The following PEX10 variants were observed in gnomAD, a reference collection of about 807,000 sequenced individuals.
PEX10 encodes the protein peroxisome biogenesis factor 10.
Under a neutral mutation model 38.0 loss-of-function variants are expected in PEX10, and 32 were observed. That is an observed-to-expected ratio of 0.84 (90% CI 0.63 to 1.13). The LOEUF is 1.13. PEX10 is among the 50% of genes most tolerant of loss of function. The probability of loss-of-function intolerance (pLI) is 0.00; values close to 1 mark genes in which losing one functional copy is unlikely to be tolerated. For missense variants in PEX10, 483 were observed against 457.7 expected, an observed-to-expected ratio of 1.06 and a Z score of -0.51; for synonymous variants, 206 against 207.3, an observed-to-expected ratio of 0.99 and a Z score of 0.05.
At chr1:2,407,493 G>T (rs1643049520) in intron 3 of PEX10, among the ~76,000 whole-genome samples, 1 of 152,226 alleles carries the variant, frequency 6.6e-6, no homozygotes, top group Non-Finnish European at 1.5e-5. Context: ...GCCAGCATGG[G>T]CCCTGGGTGT....
At position 2,407,096 on chromosome 1, in the gene PEX10, C is replaced by T. The variant is rs140861161; in HGVS notation, c.601-201G>A. 1.5e-4 allele frequency: 107 copies of T among 722,288 alleles called. No homozygotes were observed. In the African/African-American group the frequency reaches 1.6e-3, roughly 11 times the overall value. The allele number at this position is 722,288 out of a possible 1,614,324, so 44.7% of individuals were successfully genotyped here. ...GTGCCTGCTTCGTAGCCTAGCATGA[C>T]GGAGAGGCCTGAGCTCCAGACCAGC... is the stretch of plus-strand genomic sequence containing the variant. On this transcript the variant is annotated intron_variant, in intron 3 of 5. Transcript: ENST00000447513.
chr1:2,412,345 C>A (rs1643266637), intron 1 of PEX10, 46 bp downstream of exon 1: 1 of 1,342,824 alleles, frequency 7.4e-7, no homozygotes, highest in Non-Finnish European at 9.5e-7. Flanking sequence ...AGGGGCAACA[C>A]CCCCTGGGCC....
In PEX10 at chr1:2,406,555, T is replaced by C. The variant is rs2100421628; in HGVS notation, c.841A>G (p.Arg281Gly). 1 of 1,613,320 alleles carries C rather than the reference T, an allele frequency of 6.2e-7. No homozygotes were observed. The highest frequency in any genetic ancestry group is 8.5e-7 in the Non-Finnish European group (1 of 1,179,976). The change falls in exon 5 of 6, where the codon AGG becomes GGG. Residue 281 changes from arginine to glycine, a missense_variant. Transcript: ENST00000447513. ...CCGCAGGGCGTGGCTGTTGGGTGCC[T>C]GCGCTCCTCCAGGCACAGGGTGCAC... ...PLCTLCLEER[R>G]HPTATPCGHL...
rs200610722 is a variant in PEX10 at position 2,405,246 on chromosome 1, C to T, written c.*520G>A. The stretch of plus-strand genomic sequence containing the variant: ...TCCTGGGGGATGTGCTCTGCCCAGC[C>T]GCCCTCGGGGAGAGCAGCGCCGCCT... On this transcript the variant is annotated 3_prime_UTR_variant, in exon 6 of 6. Coordinates refer to ENST00000447513, the MANE Select transcript of PEX10 (RefSeq NM_002617.4). The T allele has an allele frequency of 3.5e-5, 9 of 260,602 alleles. No homozygotes were observed. Among genetic ancestry groups the T allele is most frequent in the Admixed American group, 2.0e-4 (4 of 19,658 alleles). 16.1% of individuals were successfully genotyped at this position (260,602 alleles called of 1,614,324 possible). A position where few individuals can be genotyped will look rare whatever the true frequency, so the allele number is the denominator to read the frequency against.
rs746497851 is a variant in PEX10 at position 2,408,597 on chromosome 1, A to T, written c.455T>A (p.Leu152Gln). The change falls in exon 3 of 6, where the codon CTG (leucine) becomes CAG (glutamine). Residue 152 changes from leucine to glutamine, a missense_variant. By Grantham distance (113) the Leu-to-Gln change is moderately radical. Transcript: ENST00000447513. ...CAGCGCCCTCCTCTGCTGCTCAGTC[A>T]GGGTGGCCGTGTGGTGACGCATCCA... ...RRWMRHHTATLTEQQRRALLR... is the reference protein window; with the variant it reads ...RRWMRHHTATQTEQQRRALLR... 1.2e-6 allele frequency: 2 copies of T among 1,611,746 alleles called. No individual in the cohort carries two copies. Among genetic ancestry groups the T allele is most frequent in the African/African-American group, 1.3e-5 (1 of 75,054 alleles).
chr1:2,412,269 G>C, intron 1 of PEX10, 122 bp downstream of exon 1: 1 of 1,238,866 alleles, frequency 8.1e-7, no homozygotes. Context: ...GGAGACTGCC[G>C]GGTCCCAGGT....
chr1:2,412,632 C>T (rs1293273713), upstream of PEX10: 2 of 716,386 alleles, frequency 2.8e-6, no homozygotes, highest in Admixed American at 4.5e-5. Flanking sequence ...TGGGGCGGGG[C>T]CGGACTGGGG....
intron 3 of PEX10, among the ~76,000 whole-genome samples, chr1:2,407,437 C>T (rs1352133365): frequency 6.6e-6 from 1 of 152,244 alleles, no homozygotes; most frequent in Non-Finnish European, 1.5e-5. Context: ...GCCAGACAGC[C>T]TCGGCCCAGG....
At position 2,411,838 on chromosome 1, in the gene PEX10, G is replaced by A. The variant is rs967763364; in HGVS notation, c.112+553C>T. Among the ~76,000 whole-genome samples the A allele has an allele frequency of 5.9e-5, 9 of 152,342 alleles. No homozygotes were observed. The East Asian group carries it at 1.3e-3, about 23-fold the overall frequency. On this transcript the variant is annotated intron_variant, in intron 1 of 5. Transcript: ENST00000447513. ...CAGGTGCTGCTTCATTGAGTACACT[G>A]GCTTCTGTACTCAGCTCCCGGCCTG...
At chr1:2,411,389 C>T (rs1643207788) in intron 1 of PEX10, among the ~76,000 whole-genome samples, 1 of 151,980 alleles carries the variant, frequency 6.6e-6, no homozygotes, top group African/African-American at 2.4e-5. Context: ...CGCGCCACCA[C>T]GCCCTGCTGA....
chr1:2,412,037 T>C (rs901747899), intron 1 of PEX10, among the ~76,000 whole-genome samples: 19 of 152,320 alleles, frequency 1.2e-4, no homozygotes, highest in South Asian at 1.0e-3. Context: ...GGAGGGAGGC[T>C]TGAAGCACTT....
chr1:2,406,725 G>T lies in PEX10; in HGVS notation c.771C>A (p.His257Gln). The T allele has an allele frequency of 6.2e-7, 1 of 1,609,108 alleles. No homozygotes were observed. The highest frequency in any genetic ancestry group is 8.5e-7 in the Non-Finnish European group (1 of 1,178,404). ...TGTGTGGCCCCCGCACGCACCTGCGGTGAGACAGGCCGCGGTGCAGCCTCC... is the reference window on the plus strand; with the variant it reads ...TGTGTGGCCCCCGCACGCACCTGCGTTGAGACAGGCCGCGGTGCAGCCTCC... Reference protein sequence around the residue: ...KEWRLHRGLSHRRASLEERAV... With the variant: ...KEWRLHRGLSQRRASLEERAV... The change falls in exon 4 of 6, where the codon CAC becomes CAA. Residue 257 changes from histidine (H) to glutamine (Q), a missense_variant. His to Gln is a conservative substitution (Grantham distance 24, BLOSUM62 0). Transcript: ENST00000447513.
Position 2,408,486 on chromosome 1 carries a change from T to C in PEX10, c.566A>G (p.Tyr189Cys), listed in dbSNP as rs1278563588. The C allele has an allele frequency of 6.2e-7, 1 of 1,612,948 alleles. No homozygotes were observed. Among genetic ancestry groups the C allele is most frequent in the South Asian group, 1.1e-5 (1 of 91,084 alleles). ...VAWFYIHGVF[Y>C]HLAKRLTGIT... is the part of the protein sequence containing the mutation. ...CCCCGTGAGCCTCTTGGCCAGGTGG[T>C]AGAAGACACCGTGGATGTAAAACCA... Residue 189 changes from tyrosine to cysteine, a missense_variant, in exon 3 of 6, where the codon TAC becomes TGC. Physicochemically the swap from Tyr to Cys is radical, Grantham distance 194. Coordinates refer to ENST00000447513, the MANE Select transcript of PEX10 (RefSeq NM_002617.4).
At chr1:2,413,257 C>T (rs1643344336), upstream of PEX10, among the ~76,000 whole-genome samples, 1 of 152,248 alleles carries the variant, frequency 6.6e-6, no homozygotes, top group African/African-American at 2.4e-5. Flanking sequence ...CGGGAAGCCG[C>T]CGCGTGGTTC....
Position 2,405,678 on chromosome 1 carries a change from T to A in PEX10, c.*88A>T. On this transcript the variant is annotated 3_prime_UTR_variant, in exon 6 of 6. Coordinates refer to ENST00000447513, the MANE Select transcript of PEX10 (RefSeq NM_002617.4). ...AAAAAACTGAGAGTGTTCTAACTTC[T>A]GTGCAAGCAAGGTTAATCCTGAGAC... The A allele has an allele frequency of 8.5e-7, 1 of 1,183,282 alleles. No individual in the cohort carries two copies. The highest frequency in any genetic ancestry group is 1.2e-6 in the Non-Finnish European group (1 of 814,172). The allele number at this position is 1,183,282 out of a possible 1,614,324, so 73.3% of individuals were successfully genotyped here. A position where few individuals can be genotyped will look rare whatever the true frequency, so the allele number is the denominator to read the frequency against.
rs61750434 is a variant in PEX10 at position 2,408,679 on chromosome 1, G to A, written c.373C>T (p.Arg125Ter). Reference protein sequence around the residue: ...QELQADPDSGRPLQGSLGPGG... With the variant: ...QELQADPDSG Reference sequence around the variant, plus strand: ...GGCCCCAGGCTCCCCTGCAAGGGTCGCCCACTGTCGGGGTCAGCCTGCAGC... The same window carrying A: ...GGCCCCAGGCTCCCCTGCAAGGGTCACCCACTGTCGGGGTCAGCCTGCAGC... The change falls in exon 3 of 6, where the codon CGA becomes TGA. Residue 125 changes from arginine (R) to a stop codon, truncating the protein, a stop_gained. Coordinates refer to ENST00000447513, the MANE Select transcript of PEX10 (RefSeq NM_002617.4). LOFTEE classifies it high-confidence loss of function. The A allele has an allele frequency of 1.2e-6, 2 of 1,612,386 alleles. No homozygotes were observed. Among genetic ancestry groups the A allele is most frequent in the African/African-American group, 1.3e-5 (1 of 74,902 alleles).
chr1:2,408,452 G>A lies in PEX10; in HGVS notation c.600C>T (p.Tyr200=), dbSNP rs1169822437. 3.7e-6 allele frequency: 6 copies of A among 1,612,766 alleles called. No homozygotes were observed. The highest frequency in any genetic ancestry group is 4.5e-5 in the East Asian group (2 of 44,878). The change falls in exon 3 of 6, where the codon TAC becomes TAT. Residue 200 remains tyrosine, a splice_region_variant and synonymous_variant. Coordinates refer to ENST00000447513, the MANE Select transcript of PEX10 (RefSeq NM_002617.4). ...TGTGCCCTCAGCGCCTGCTACTTAC[G>A]TACGTGATCCCCGTGAGCCTCTTGG... ...HLAKRLTGIT[Y]LRVRSLPGED...
intron 3 of PEX10, among the ~76,000 whole-genome samples, chr1:2,407,825 C>G (rs1349118858): frequency 1.3e-5 from 2 of 152,126 alleles, no homozygotes; most frequent in African/African-American, 2.4e-5. Context: ...GGAGCTCATG[C>G]AGTAGTGGCT....
At chr1:2,412,589 C>G, upstream of PEX10, 1 of 1,059,412 alleles carries the variant, frequency 9.4e-7, no homozygotes, top group Non-Finnish European at 1.2e-6. Context: ...CGACGTGGCT[C>G]TGCGTGCGGC....
Sources: gnomAD v4.1 joint callset for allele counts (sites outside exome capture counted in the v4.1 genomes callset) on GRCh38, gnomAD v4.1.1 for gene constraint, MANE v1.5 for transcripts, NCBI Gene and HGNC (gene_info 2026-07-23, HGNC 2026-07-21) for gene names.